Variants in KCNJ1 observed in about 807,000 individuals in gnomAD.
KCNJ1 encodes potassium inwardly rectifying channel subfamily J member 1.
KCNJ1 carries 24 observed loss-of-function variants against 21.9 expected under a neutral mutation model. That is an observed-to-expected ratio of 1.10 (90% CI 0.79 to 1.54). KCNJ1 has a LOEUF of 1.54. KCNJ1 is among the 40% of genes most tolerant of loss of function. KCNJ1 has a pLI of 0.00. For synonymous variants in KCNJ1, 152 were observed against 160.9 expected (o/e 0.94, Z 0.42); for missense variants, 457 against 455.4 (o/e 1.00, Z -0.03).
At chr11:128,864,983 A>G (rs1319108426) in intron 1 of KCNJ1, among the ~76,000 whole-genome samples, 1 of 152,008 alleles carries the variant, frequency 6.6e-6, no homozygotes, top group African/African-American at 2.4e-5. Flanking sequence ...GTTCCTCAGC[A>G]TCACATACTA....
In KCNJ1 at chr11:128,839,670, T is replaced by G. The variant is rs1201737401; in HGVS notation, c.574A>C (p.Ile192Leu). 1.9e-6 allele frequency: 3 copies of G among 1,613,346 alleles called. No homozygotes were observed. In the African/African-American group the frequency reaches 4.0e-5, roughly 22 times the overall value. The change falls in exon 3 of 3, where the codon ATC becomes CTC. Residue 192 changes from isoleucine to leucine, a missense_variant. Transcript: ENST00000392666. ...CTCTTCCTGAGATTAGCCACTCGGA[T>G]TAGGAGGCAAAGCTTCCCTCCCCGT... is the stretch of plus-strand genomic sequence containing the variant. ...SKRGGKLCLL[I>L]RVANLRKSLL... is the part of the protein sequence containing the mutation.
chr11:128,863,918 G>C (rs1187231646), intron 1 of KCNJ1, among the ~76,000 whole-genome samples: 1 of 152,072 alleles, frequency 6.6e-6, no homozygotes, highest in Non-Finnish European at 1.5e-5. Context: ...GCAATGGCAA[G>C]AAAGGCTGAC....
At chr11:128,862,494 C>T (rs928990506) in intron 1 of KCNJ1, among the ~76,000 whole-genome samples, 2 of 152,178 alleles carry the variant, frequency 1.3e-5, no homozygotes, top group South Asian at 2.1e-4. Flanking sequence ...TGTGTCCTAC[C>T]GCCCCCTCCA....
At chr11:128,864,230 G>A (rs907874277) in intron 1 of KCNJ1, among the ~76,000 whole-genome samples, 73 of 151,734 alleles carry the variant, frequency 4.8e-4, no homozygotes, top group African/African-American at 1.7e-3. Flanking sequence ...GGGACTACAG[G>A]TGTGTGCCAC....
chr11:128,850,656 G>T, intron 2 of KCNJ1, 65 bp downstream of exon 2: 2 of 797,556 alleles, frequency 2.5e-6, no homozygotes, highest in African/African-American at 1.9e-5. Flanking sequence ...ATAACCAAAT[G>T]CTTACCTAGC....
chr11:128,854,253 C>A (rs1375621373), intron 1 of KCNJ1, among the ~76,000 whole-genome samples: 1 of 152,204 alleles, frequency 6.6e-6, no homozygotes, highest in East Asian at 1.9e-4. Flanking sequence ...AGCTCGGTTT[C>A]TTTTCTCCCT....
At chr11:128,849,913 C>T (rs1012541257) in intron 2 of KCNJ1, among the ~76,000 whole-genome samples, 1 of 152,312 alleles carries the variant, frequency 6.6e-6, no homozygotes, top group South Asian at 2.1e-4. Context: ...CGCCAACCCA[C>T]CACCTGGTGG....
chr11:128,862,938 C>G (rs1168792009), intron 1 of KCNJ1, among the ~76,000 whole-genome samples: 1 of 152,244 alleles, frequency 6.6e-6, no homozygotes, highest in East Asian at 1.9e-4. Context: ...GGGCCACACA[C>G]TTCACAGAGT....
intron 2 of KCNJ1, among the ~76,000 whole-genome samples, chr11:128,850,501 CA>C (rs2135950245): frequency 6.6e-6 from 1 of 152,304 alleles, no homozygotes; most frequent in East Asian, 1.9e-4. Context: ...GTAAATGACT[CA>C]AAGTGCTTGA....
chr11:128,851,542 T>C (rs948885996), intron 1 of KCNJ1, among the ~76,000 whole-genome samples: 5 of 152,222 alleles, frequency 3.3e-5, no homozygotes, highest in African/African-American at 1.2e-4. Flanking sequence ...CACTGGAGTT[T>C]AATGAAGGAA....
rs112492865 is a variant in KCNJ1, at chr11:128,852,426, G to GC, written c.-191-1537dup. The stretch of plus-strand genomic sequence containing the variant: ...GCATTTCTGTTGACTCCGTTGCTAT[G>GC]CCCACGGGTATCATTGACCCTCAAA... On this transcript the variant is annotated intron_variant, in intron 1 of 2. Coordinates refer to ENST00000392666, the MANE Select transcript of KCNJ1 (RefSeq NM_153766.3). Among the ~76,000 whole-genome samples, 1,442 of 152,300 alleles carry GC rather than the reference G, an allele frequency of 9.5e-3. 24 individuals carry two copies. Among genetic ancestry groups the GC allele is most frequent in the African/African-American group, 0.028 (1,146 of 41,570 alleles).
chr11:128,864,709 T>G lies in KCNJ1; in HGVS notation c.-192+2464A>C, dbSNP rs1943786130. Among the ~76,000 whole-genome samples the G allele has an allele frequency of 3.3e-5, 5 of 152,226 alleles. No homozygotes were observed. In the South Asian group the frequency reaches 1.0e-3, roughly 32 times the overall value. On this transcript the variant is annotated intron_variant, in intron 1 of 2. Coordinates refer to ENST00000392666, the MANE Select transcript of KCNJ1 (RefSeq NM_153766.3). The stretch of plus-strand genomic sequence containing the variant: ...GTGGAAGGAAAAGGGTCTGTGCCAT[T>G]CAAAGTGTGCTCTTTTTGCGGACTT...
At chr11:128,852,826 G>A (rs1943500310) in intron 1 of KCNJ1, among the ~76,000 whole-genome samples, 1 of 152,248 alleles carries the variant, frequency 6.6e-6, no homozygotes, top group African/African-American at 2.4e-5. Flanking sequence ...CTGAAACAAG[G>A]AAGACAAGCA....
intron 2 of KCNJ1, among the ~76,000 whole-genome samples, chr11:128,846,803 G>A (rs953849276): frequency 1.3e-5 from 2 of 152,106 alleles, no homozygotes; most frequent in East Asian, 3.9e-4. Context: ...AGGTGACCTC[G>A]TACTACCGGC....
At chr11:128,861,446 G>A (rs1330990220) in intron 1 of KCNJ1, among the ~76,000 whole-genome samples, 1 of 152,158 alleles carries the variant, frequency 6.6e-6, no homozygotes, top group Non-Finnish European at 1.5e-5. Context: ...GGGCTAGCGG[G>A]TATCCCTGGG....
At chr11:128,860,026 G>GC in intron 1 of KCNJ1, among the ~76,000 whole-genome samples, 1 of 152,192 alleles carries the variant, frequency 6.6e-6, no homozygotes, top group Non-Finnish European at 1.5e-5. Context: ...CAGCAGCAGC[G>GC]CCCCCTGGCG....
At chr11:128,859,151 A>G (rs1943649729) in intron 1 of KCNJ1, among the ~76,000 whole-genome samples, 2 of 152,316 alleles carry the variant, frequency 1.3e-5, no homozygotes, top group Non-Finnish European at 2.9e-5. Flanking sequence ...ATTTCATTCA[A>G]TCTCACAGCG....
At chr11:128,865,118 T>G (rs1377269671) in intron 1 of KCNJ1, among the ~76,000 whole-genome samples, 1 of 152,128 alleles carries the variant, frequency 6.6e-6, no homozygotes, top group Non-Finnish European at 1.5e-5. Flanking sequence ...TTTTTGTAAA[T>G]GCCATTTCCT....
intron 1 of KCNJ1, among the ~76,000 whole-genome samples, chr11:128,859,870 C>T (rs1364129398): frequency 6.6e-6 from 1 of 152,236 alleles, no homozygotes; most frequent in Admixed American, 6.5e-5. Context: ...GTGATAAGGA[C>T]TTAGAAAGAA....
Sources: gnomAD v4.1 joint callset for allele counts (sites outside exome capture counted in the v4.1 genomes callset) on GRCh38, gnomAD v4.1.1 for gene constraint, MANE v1.5 for transcripts, NCBI Gene and HGNC (gene_info 2026-07-23, HGNC 2026-07-21) for gene names.